The following RASSF8 variants were observed in gnomAD, a reference collection of about 807,000 sequenced individuals.
The protein encoded by RASSF8 is ras association domain-containing protein 8.
A neutral mutation model predicts 48.5 loss-of-function variants in RASSF8; 22 were observed. That is an observed-to-expected ratio of 0.45 (90% CI 0.32 to 0.65). The LOEUF (loss-of-function observed/expected upper bound fraction) is 0.65. Ranked by LOEUF, RASSF8 falls within the 30% of genes least tolerant of loss-of-function variation. RASSF8 has a pLI of 0.03. For missense variants in RASSF8, 418 were observed against 489.2 expected, an observed-to-expected ratio of 0.85 and a Z score of 1.37; for synonymous variants, 127 against 171.5, an observed-to-expected ratio of 0.74 and a Z score of 2.03.
chr12:26,035,391 T>TATATGAAATTATATAATTATATAAG (rs1943112107), intron 2 of RASSF8, among the ~76,000 whole-genome samples: 1 of 137,562 alleles, frequency 7.3e-6, no homozygotes, highest in Non-Finnish European at 1.5e-5. Flanking sequence ...TATAATATAA[T>TATATGAAATTATATAATTATATAAG]TATATGAAAT....
intron 2 of RASSF8, among the ~76,000 whole-genome samples, chr12:26,020,768 TAAA>T (rs942293667): frequency 6.6e-6 from 1 of 152,100 alleles, no homozygotes; most frequent in Non-Finnish European, 1.5e-5. Flanking sequence ...AAAAGTGAAA[TAAA>T]AAAATACAGT....
chr12:25,960,169 A>T (rs1282023758), intron 1 of RASSF8, among the ~76,000 whole-genome samples: 2 of 152,216 alleles, frequency 1.3e-5, no homozygotes, highest in Admixed American at 6.5e-5. Context: ...TAAAATATGT[A>T]TAAATCTCTG....
intron 2 of RASSF8, among the ~76,000 whole-genome samples, chr12:26,053,148 T>C (rs1424850426): frequency 1.3e-5 from 2 of 150,962 alleles, no homozygotes; most frequent in Non-Finnish European, 2.9e-5. Flanking sequence ...TACTTAAAAA[T>C]GTGTTAAATG....
At chr12:26,040,368 T>C (rs1294263339) in intron 2 of RASSF8, among the ~76,000 whole-genome samples, 1 of 152,088 alleles carries the variant, frequency 6.6e-6, no homozygotes, top group African/African-American at 2.4e-5. Context: ...CTAATATCAG[T>C]GAGGTAGGAC....
chr12:25,984,077 C>T (rs1347248717), intron 1 of RASSF8, among the ~76,000 whole-genome samples: 1 of 152,076 alleles, frequency 6.6e-6, no homozygotes, highest in African/African-American at 2.4e-5. Flanking sequence ...TTATTTATTT[C>T]TGGAGATAGG....
At chr12:25,969,738 C>A (rs1044801141) in intron 1 of RASSF8, among the ~76,000 whole-genome samples, 42 of 152,060 alleles carry the variant, frequency 2.8e-4, no homozygotes, top group African/African-American at 6.5e-4. Flanking sequence ...AACAGGGGTT[C>A]TCCAGTGGGG....
chr12:26,078,766 C>CAAG lies in RASSF8; in HGVS notation c.1139-266_1139-265insAGA, dbSNP rs138930958. Among the ~76,000 whole-genome samples, 389 of 152,268 alleles carry CAAG rather than the reference C, an allele frequency of 2.6e-3. 2 individuals carry two copies. The highest frequency in any genetic ancestry group is 8.9e-3 in the African/African-American group (371 of 41,566). On this transcript the variant is annotated intron_variant, in intron 5 of 5. Transcript: ENST00000381352. ...GATTTAATGGTGCCTTCTTTTGCTA[C>CAAG]ATATCCTCCTCCAAATATAATACAG...
chr12:26,075,165 A>G (rs1944061218), downstream of RASSF8, among the ~76,000 whole-genome samples: 1 of 152,094 alleles, frequency 6.6e-6, no homozygotes, highest in African/African-American at 2.4e-5. Flanking sequence ...CAAACAAGTT[A>G]TAGATATTCT....
At chr12:25,984,342 G>A (rs924767235) in intron 1 of RASSF8, among the ~76,000 whole-genome samples, 2 of 148,496 alleles carry the variant, frequency 1.3e-5, no homozygotes, top group African/African-American at 2.5e-5. Context: ...GCCTTCCAAA[G>A]TGGTGGGATT....
chr12:26,023,773 A>T (rs180775374), intron 2 of RASSF8, among the ~76,000 whole-genome samples: 26 of 152,308 alleles, frequency 1.7e-4, no homozygotes, highest in African/African-American at 6.3e-4. Flanking sequence ...TTTTAAAAGA[A>T]ATTATAAAAA....
At chr12:26,058,555 C>G (rs968815247) in intron 3 of RASSF8, among the ~76,000 whole-genome samples, 1 of 150,670 alleles carries the variant, frequency 6.6e-6, no homozygotes, top group Non-Finnish European at 1.5e-5. Context: ...CACACACACA[C>G]ACACACAGAG....
chr12:26,039,939 A>G (rs992164774), intron 2 of RASSF8, among the ~76,000 whole-genome samples: 1 of 152,198 alleles, frequency 6.6e-6, no homozygotes, highest in Non-Finnish European at 1.5e-5. Flanking sequence ...TTTCTACATA[A>G]TCATGTATGT....
At position 26,069,714 on chromosome 12, in the gene RASSF8, A is replaced by G. The variant is rs1943960575; in HGVS notation, c.*896A>G. 1 of 985,318 alleles carries G rather than the reference A, an allele frequency of 1.0e-6. No homozygotes were observed. 61.0% of individuals were successfully genotyped at this position (985,318 alleles called of 1,614,324 possible). On this transcript the variant is annotated 3_prime_UTR_variant, in exon 6 of 6. Coordinates refer to ENST00000689635, the MANE Select transcript of RASSF8 (RefSeq NM_001394098.1). ...AGATACCTGAAAGCTGGGTTGGTCT[A>G]CTTCAGGAACATTGCTTTAAGTGAT... is the stretch of plus-strand genomic sequence containing the variant.
chr12:26,046,063 C>T (rs910279425), intron 2 of RASSF8, among the ~76,000 whole-genome samples: 19 of 152,280 alleles, frequency 1.2e-4, no homozygotes, highest in East Asian at 3.9e-4. Flanking sequence ...TCTATTCCTG[C>T]TTTACTGAGA....
At chr12:26,001,199 AT>A (rs34731435) in intron 2 of RASSF8, among the ~76,000 whole-genome samples, 2,927 of 136,934 alleles carry the variant, frequency 0.021, 75 homozygotes, top group African/African-American at 0.071. Flanking sequence ...CTAATTTTTA[AT>A]TTTTTTTTTT....
At chr12:26,005,531 G>C (rs1169395972) in intron 2 of RASSF8, among the ~76,000 whole-genome samples, 1 of 152,142 alleles carries the variant, frequency 6.6e-6, no homozygotes, top group Non-Finnish European at 1.5e-5. Flanking sequence ...ATAAGACAAG[G>C]TTAGAATATA....
At chr12:25,990,142 G>T (rs1198698891) in intron 1 of RASSF8, among the ~76,000 whole-genome samples, 2 of 152,006 alleles carry the variant, frequency 1.3e-5, no homozygotes, top group Admixed American at 1.3e-4. Context: ...CCTCAACTTT[G>T]TATAACCTGT....
intron 2 of RASSF8, among the ~76,000 whole-genome samples, chr12:26,046,553 G>T (rs1218227608): frequency 8.5e-5 from 13 of 152,168 alleles, no homozygotes; most frequent in African/African-American, 3.1e-4. Flanking sequence ...AAATAAAAGG[G>T]TGCCTGGGCA....
In RASSF8 at chr12:26,005,094, G is replaced by A. The variant is rs919370278; in HGVS notation, c.-109+9964G>A. On this transcript the variant is annotated intron_variant, in intron 2 of 5. Coordinates refer to ENST00000689635, the MANE Select transcript of RASSF8 (RefSeq NM_001394098.1). ...GGTAATCCTCATTAGCAGTTTCTTG[G>A]GTTTCTCTGCAGAAAAAGAAATGTG... is the stretch of plus-strand genomic sequence containing the variant. 6.6e-5 allele frequency among the ~76,000 whole-genome samples: 10 copies of A among 151,850 alleles called. No homozygotes were observed. The South Asian group carries it at 1.3e-3, about 19-fold the overall frequency.
Sources: allele counts gnomAD v4.1 joint callset (sites outside exome capture counted in the v4.1 genomes callset), GRCh38; gene constraint gnomAD v4.1.1; transcripts MANE v1.5; gene names NCBI Gene and HGNC (gene_info 2026-07-23, HGNC 2026-07-21).